ADAMTS3: variants seen among roughly 807,000 people sequenced by gnomAD.
ADAMTS3 encodes the protein ADAM metallopeptidase with thrombospondin type 1 motif 3.
In ADAMTS3, 73 loss-of-function variants were observed where a neutral mutation model predicts 129.0. The observed-to-expected ratio is 0.57, with a 90% confidence interval of 0.47 to 0.69. The LOEUF (loss-of-function observed/expected upper bound fraction) is 0.69. ADAMTS3 is among the 30% of genes least tolerant of loss of function. The probability of loss-of-function intolerance (pLI) is 0.00; values close to 1 mark genes in which losing one functional copy is unlikely to be tolerated. For synonymous variants in ADAMTS3, 477 were observed against 510.8 expected, an observed-to-expected ratio of 0.93 and a Z score of 0.89; for missense variants, 1,457 against 1,514.5, an observed-to-expected ratio of 0.96 and a Z score of 0.63.
At chr4:72,456,477 T>C (rs1294971973) in intron 3 of ADAMTS3, among the ~76,000 whole-genome samples, 1 of 147,612 alleles carries the variant, frequency 6.8e-6, no homozygotes, top group Non-Finnish European at 1.5e-5. Flanking sequence ...ATTATACAAG[T>C]TTCTGGCTCC....
At chr4:72,549,995 GA>G in intron 2 of ADAMTS3, among the ~76,000 whole-genome samples, 2 of 6,566 alleles carry the variant, frequency 3.0e-4, no homozygotes, top group African/African-American at 7.9e-4. Context: ...AGAAGAAGAG[GA>G]AGAGGAAGAA....
chr4:72,533,673 A>ATATGTATATATACATATATAGG (rs1164175826), intron 3 of ADAMTS3, among the ~76,000 whole-genome samples: 2 of 151,370 alleles, frequency 1.3e-5, no homozygotes, highest in Admixed American at 6.6e-5. Context: ...GTATATGCAC[A>ATATGTATATATACATATATAGG]TATATGCACA....
intron 4 of ADAMTS3, among the ~76,000 whole-genome samples, chr4:72,356,228 A>T (rs1295757294): frequency 6.6e-6 from 1 of 151,938 alleles, no homozygotes; most frequent in Non-Finnish European, 1.5e-5. Flanking sequence ...AAAAAGGAAA[A>T]CATAACTAGC....
At chr4:72,545,913 G>A (rs1187148997) in intron 3 of ADAMTS3, among the ~76,000 whole-genome samples, 1 of 152,158 alleles carries the variant, frequency 6.6e-6, no homozygotes, top group East Asian at 1.9e-4. Flanking sequence ...TCATTTACCA[G>A]ATTAAGCTGT....
intron 3 of ADAMTS3, among the ~76,000 whole-genome samples, chr4:72,528,581 A>G (rs1001342102): frequency 5.3e-5 from 8 of 151,820 alleles, no homozygotes; most frequent in African/African-American, 1.9e-4. Context: ...GTGAAAGTAG[A>G]TGAGATGGAA....
chr4:72,289,323 A>G (rs1718598439), intron 20 of ADAMTS3, among the ~76,000 whole-genome samples: 1 of 152,206 alleles, frequency 6.6e-6, no homozygotes, highest in Admixed American at 6.5e-5. Context: ...GGACCCAATC[A>G]TAGTATTGAC....
intron 3 of ADAMTS3, among the ~76,000 whole-genome samples, chr4:72,500,544 T>C (rs1719988438): frequency 6.6e-6 from 1 of 152,194 alleles, no homozygotes; most frequent in Non-Finnish European, 1.5e-5. Flanking sequence ...TTGCAAATAC[T>C]TTTCCCATTC....
intron 3 of ADAMTS3, among the ~76,000 whole-genome samples, chr4:72,530,454 ATATATT>A: frequency 4.4e-5 from 2 of 45,374 alleles, no homozygotes; most frequent in African/African-American, 2.1e-4. Flanking sequence ...AATATATATT[ATATATT>A]AAATATATTA....
chr4:72,369,038 A>G (rs1444990653), intron 4 of ADAMTS3, among the ~76,000 whole-genome samples: 1 of 152,184 alleles, frequency 6.6e-6, no homozygotes, highest in African/African-American at 2.4e-5. Flanking sequence ...CTGTGTTCTC[A>G]CAAATGGATA....
At chr4:72,505,570 G>A in intron 3 of ADAMTS3, among the ~76,000 whole-genome samples, 1 of 152,196 alleles carries the variant, frequency 6.6e-6, no homozygotes, top group East Asian at 1.9e-4. Flanking sequence ...GGAGACGGTA[G>A]AGGGGAAGGG....
intron 13 of ADAMTS3, among the ~76,000 whole-genome samples, chr4:72,311,842 C>T (rs897484413): frequency 5.3e-5 from 8 of 152,060 alleles, no homozygotes; most frequent in Non-Finnish European, 8.8e-5. Context: ...CCAAATATAT[C>T]TTTAAACTAT....
intron 11 of ADAMTS3, among the ~76,000 whole-genome samples, chr4:72,315,285 T>A (rs1417343739): frequency 6.6e-6 from 1 of 152,228 alleles, no homozygotes; most frequent in Non-Finnish European, 1.5e-5. Flanking sequence ...CCTGTAAATG[T>A]TACCTTATTT....
chr4:72,474,080 G>C (rs762142784), intron 3 of ADAMTS3, among the ~76,000 whole-genome samples: 11 of 152,098 alleles, frequency 7.2e-5, no homozygotes, highest in Admixed American at 1.3e-4. Context: ...TGCTAAAATG[G>C]TGTCAGAAAA....
intron 4 of ADAMTS3, among the ~76,000 whole-genome samples, chr4:72,357,816 A>G (rs771511879): frequency 1.3e-5 from 2 of 152,010 alleles, no homozygotes; most frequent in Non-Finnish European, 2.9e-5. Flanking sequence ...CGATCAAGAA[A>G]AAGTTACCAA....
intron 3 of ADAMTS3, among the ~76,000 whole-genome samples, chr4:72,432,033 C>T (rs746244139): frequency 4.0e-5 from 6 of 151,890 alleles, no homozygotes; most frequent in Non-Finnish European, 7.4e-5. Context: ...AGCTTCCTAA[C>T]TATAATCCAC....
In ADAMTS3 at chr4:72,452,370, G is replaced by C. The variant is rs72852089; in HGVS notation, c.505-37399C>G. On this transcript the variant is annotated intron_variant, in intron 3 of 21. Transcript: ENST00000286657. Reference sequence around the variant, plus strand: ...ATACTAGTCAAAGAACATATTTAGGGTATTGCTTTCATAAAACAGATCTTT... The same window carrying C: ...ATACTAGTCAAAGAACATATTTAGGCTATTGCTTTCATAAAACAGATCTTT... 7.5e-3 allele frequency among the ~76,000 whole-genome samples: 1,133 copies of C among 151,466 alleles called. 26 individuals are homozygous for C. The highest frequency in any genetic ancestry group is 0.026 in the African/African-American group (1,076 of 41,374).
chr4:72,486,392 T>G (rs1560534757), intron 3 of ADAMTS3, among the ~76,000 whole-genome samples: 1 of 152,192 alleles, frequency 6.6e-6, no homozygotes, highest in Non-Finnish European at 1.5e-5. Context: ...TTCTGCTCAG[T>G]CTTGTACAGA....
chr4:72,389,969 C>T (rs1721548142), intron 4 of ADAMTS3, among the ~76,000 whole-genome samples: 1 of 151,962 alleles, frequency 6.6e-6, no homozygotes, highest in African/African-American at 2.4e-5. Flanking sequence ...CACATATAGG[C>T]CTGCAAGAAT....
At chr4:72,432,417 C>T (rs1004818657) in intron 3 of ADAMTS3, among the ~76,000 whole-genome samples, 2 of 151,910 alleles carry the variant, frequency 1.3e-5, no homozygotes, top group Admixed American at 6.6e-5. Context: ...TGTTTTGCCC[C>T]TTGAGGTCTA....
Sources: gnomAD v4.1 joint callset for allele counts (sites outside exome capture counted in the v4.1 genomes callset) on GRCh38, gnomAD v4.1.1 for gene constraint, MANE v1.5 for transcripts, NCBI Gene and HGNC (gene_info 2026-07-23, HGNC 2026-07-21) for gene names.